Variants in PEBP4 observed in about 807,000 individuals in gnomAD.
The protein encoded by PEBP4 is phosphatidylethanolamine-binding protein 4.
A neutral mutation model predicts 23.9 loss-of-function variants in PEBP4; 22 were observed. The observed-to-expected ratio is 0.92, with a 90% confidence interval of 0.66 to 1.31. The LOEUF (loss-of-function observed/expected upper bound fraction) is 1.31, where lower values mean the gene tolerates loss of function less well. Ranked by LOEUF, PEBP4 falls within the 40% of genes most tolerant of loss-of-function variation. The pLI, the probability that PEBP4 is intolerant of heterozygous loss-of-function variation, is 0.00. For synonymous variants in PEBP4, 112 were observed against 99.3 expected, an observed-to-expected ratio of 1.13 and a Z score of -0.76; for missense variants, 324 against 281.7, an observed-to-expected ratio of 1.15 and a Z score of -1.07.
At chr8:22,904,599 T>A (rs1032598620) in intron 3 of PEBP4, among the ~76,000 whole-genome samples, 8 of 152,112 alleles carry the variant, frequency 5.3e-5, no homozygotes, top group African/African-American at 1.9e-4. Flanking sequence ...AAGGAGAAAA[T>A]AAAAATCACC....
chr8:22,822,169 T>C (rs1806873358), intron 3 of PEBP4, among the ~76,000 whole-genome samples: 1 of 152,080 alleles, frequency 6.6e-6, no homozygotes, highest in Non-Finnish European at 1.5e-5. Flanking sequence ...TGGACACCTT[T>C]CCAAAGATGA....
chr8:22,871,942 C>A (rs529862065), intron 3 of PEBP4, among the ~76,000 whole-genome samples: 1 of 152,146 alleles, frequency 6.6e-6, no homozygotes, highest in Non-Finnish European at 1.5e-5. Flanking sequence ...AACCTCCCCC[C>A]GCAAGTCCCC....
chr8:22,728,477 T>C (rs1350027660), intron 4 of PEBP4, among the ~76,000 whole-genome samples: 2 of 152,216 alleles, frequency 1.3e-5, no homozygotes, highest in African/African-American at 2.4e-5. Flanking sequence ...CTTCTTCACC[T>C]GATACAGGTG....
chr8:22,927,273 C>T (rs1171390970), intron 2 of PEBP4, among the ~76,000 whole-genome samples: 1 of 151,812 alleles, frequency 6.6e-6, no homozygotes, highest in African/African-American at 2.4e-5. Context: ...CTGGGTCTCT[C>T]TCTGAGGGTC....
chr8:22,727,145 G>T, intron 5 of PEBP4, 30 bp downstream of exon 5: 1 of 1,612,066 alleles, frequency 6.2e-7, no homozygotes, highest in South Asian at 1.1e-5. Context: ...TGCCCTGGCT[G>T]GGGGAAGGGG....
chr8:22,749,774 A>G (rs535018757), intron 4 of PEBP4, among the ~76,000 whole-genome samples: 6 of 138,044 alleles, frequency 4.3e-5, no homozygotes, highest in African/African-American at 1.6e-4. Context: ...TGGATCTACA[A>G]CCCACCTCTC....
chr8:22,930,630 G>T (rs1809440671), upstream of PEBP4, among the ~76,000 whole-genome samples: 1 of 152,010 alleles, frequency 6.6e-6, no homozygotes, highest in Non-Finnish European at 1.5e-5. Flanking sequence ...AATCACTCAG[G>T]TTGGCCCTTA....
chr8:22,802,197 TG>T (rs1281316559), intron 4 of PEBP4, among the ~76,000 whole-genome samples: 2 of 152,184 alleles, frequency 1.3e-5, no homozygotes, highest in Non-Finnish European at 2.9e-5. Flanking sequence ...CTCCCGACTC[TG>T]GGCCACTGGC....
chr8:22,923,200 C>T (rs945306848), intron 2 of PEBP4, among the ~76,000 whole-genome samples: 3 of 152,148 alleles, frequency 2.0e-5, no homozygotes, highest in South Asian at 2.1e-4. Context: ...CACGTTTTCC[C>T]TAGTGAGCTG....
chr8:22,817,767 G>A (rs779313000), intron 3 of PEBP4, 32 bp from the exon 4 acceptor site: 15 of 1,590,670 alleles, frequency 9.4e-6, no homozygotes, highest in Admixed American at 8.3e-5. Context: ...GTAATGTAGC[G>A]TCATGGCTGA....
intron 3 of PEBP4, among the ~76,000 whole-genome samples, chr8:22,850,758 C>T (rs17088634): frequency 6.6e-6 from 1 of 152,144 alleles, no homozygotes; most frequent in South Asian, 2.1e-4. Flanking sequence ...TAGGCGCATA[C>T]GCAGGAAGAC....
intron 3 of PEBP4, among the ~76,000 whole-genome samples, chr8:22,845,215 G>A (rs1379755127): frequency 1.3e-5 from 2 of 152,100 alleles, no homozygotes; most frequent in Admixed American, 6.5e-5. Flanking sequence ...GCCTGGGAGT[G>A]AGGGTGGGGT....
intron 4 of PEBP4, among the ~76,000 whole-genome samples, chr8:22,771,114 G>T (rs1388200175): frequency 2.6e-5 from 4 of 152,186 alleles, no homozygotes; most frequent in Non-Finnish European, 5.9e-5. Context: ...GACCCCCACA[G>T]GACTGAACAC....
intron 4 of PEBP4, among the ~76,000 whole-genome samples, chr8:22,764,968 C>T (rs1805577596): frequency 6.6e-6 from 1 of 152,072 alleles, no homozygotes; most frequent in Non-Finnish European, 1.5e-5. Flanking sequence ...CTTCCCCTGT[C>T]CCAGGCAGGG....
chr8:22,815,628 C>A (rs186972400), intron 4 of PEBP4, among the ~76,000 whole-genome samples: 2 of 152,184 alleles, frequency 1.3e-5, no homozygotes, highest in Non-Finnish European at 2.9e-5. Context: ...GCAAATGTGA[C>A]GGAAACCCGC....
intron 4 of PEBP4, among the ~76,000 whole-genome samples, chr8:22,729,615 T>A (rs1014847297): frequency 6.6e-6 from 1 of 152,242 alleles, no homozygotes; most frequent in Non-Finnish European, 1.5e-5. Context: ...AGGCAAAGAT[T>A]CTGCAAATCC....
chr8:22,851,832 T>C (rs1382257500), intron 3 of PEBP4, among the ~76,000 whole-genome samples: 2 of 151,728 alleles, frequency 1.3e-5, no homozygotes, highest in Non-Finnish European at 2.9e-5. Context: ...TGCAATTGAG[T>C]TAAGTGGAAA....
rs572607049 is a variant in PEBP4, at chr8:22,764,145, A to G, written c.358-36925T>C. 6.6e-5 allele frequency among the ~76,000 whole-genome samples: 10 copies of G among 152,290 alleles called. No individual in the cohort carries two copies. The South Asian group carries it at 2.1e-3, about 32-fold the overall frequency. Reference sequence around the variant, plus strand: ...AAAATGGCAGCAAATTTGGGCTTCCATTACTCACACATACTCTATAGCACC... The same window carrying G: ...AAAATGGCAGCAAATTTGGGCTTCCGTTACTCACACATACTCTATAGCACC... On this transcript the variant is annotated intron_variant, in intron 4 of 6. Coordinates refer to ENST00000256404, the MANE Select transcript of PEBP4 (RefSeq NM_144962.3).
intron 3 of PEBP4, among the ~76,000 whole-genome samples, chr8:22,824,038 C>T (rs1451519981): frequency 6.6e-6 from 1 of 151,866 alleles, no homozygotes; most frequent in Non-Finnish European, 1.5e-5. Flanking sequence ...TCTATAATGT[C>T]ATTGTCTATT....
Sources: gnomAD v4.1 joint callset for allele counts (sites outside exome capture counted in the v4.1 genomes callset) on GRCh38, gnomAD v4.1.1 for gene constraint, MANE v1.5 for transcripts, NCBI Gene and HGNC (gene_info 2026-07-23, HGNC 2026-07-21) for gene names.